CSMD1: variants seen among roughly 807,000 people sequenced by gnomAD.
CSMD1 encodes CUB and sushi domain-containing protein 1.
Under a neutral mutation model 417.5 loss-of-function variants are expected in CSMD1, and 213 were observed. The ratio of observed to expected loss-of-function variants is 0.51; its 90% CI spans 0.46 to 0.57. The LOEUF is 0.57. Among genes scored for constraint, CSMD1 ranks in the 20% least tolerant of loss-of-function variants. CSMD1 has a pLI of 0.00. For synonymous variants in CSMD1, 2,862 were observed against 1,736.8 expected (o/e 1.65, Z -16.11); for missense variants, 6,923 against 4,529.7 (o/e 1.53, Z -15.17).
chr8:4,107,030 G>A (rs574775034), intron 3 of CSMD1, among the ~76,000 whole-genome samples: 25 of 152,266 alleles, frequency 1.6e-4, no homozygotes, highest in African/African-American at 5.8e-4. Flanking sequence ...TATGAGAGCT[G>A]CCACATATCA....
intron 3 of CSMD1, among the ~76,000 whole-genome samples, chr8:4,247,255 C>T (rs908065651): frequency 2.0e-5 from 3 of 152,166 alleles, no homozygotes; most frequent in Non-Finnish European, 4.4e-5. Flanking sequence ...CTATTGAGTA[C>T]AATGACCAAA....
intron 1 of CSMD1, among the ~76,000 whole-genome samples, chr8:4,803,372 C>T (rs1185377158): frequency 6.6e-6 from 1 of 152,114 alleles, no homozygotes; most frequent in African/African-American, 2.4e-5. Flanking sequence ...CTATTAACTA[C>T]CAGTGATGTA....
At chr8:4,680,099 C>A (rs890353194) in intron 1 of CSMD1, among the ~76,000 whole-genome samples, 3 of 152,154 alleles carry the variant, frequency 2.0e-5, no homozygotes, top group African/African-American at 7.2e-5. Flanking sequence ...TTTCACAAAT[C>A]ATAGATACCT....
At chr8:4,640,808 G>A (rs1803141706) in intron 1 of CSMD1, among the ~76,000 whole-genome samples, 1 of 144,176 alleles carries the variant, frequency 6.9e-6, no homozygotes, top group African/African-American at 2.5e-5. Context: ...TAATTGTAAT[G>A]TTTTAGTTAA....
chr8:3,620,746 G>T (rs2449233), intron 7 of CSMD1, among the ~76,000 whole-genome samples: 101,517 of 152,026 alleles, frequency 0.67, 34,330 homozygotes, highest in African/African-American at 0.74. Flanking sequence ...ATGGGACAAA[G>T]GAGGGACAAA....
rs142474822 is a variant in CSMD1 at position 3,652,338 on chromosome 8, C to T, written c.1010-35541G>A. On this transcript the variant is annotated intron_variant, in intron 7 of 69. Coordinates refer to ENST00000635120, the MANE Select transcript of CSMD1 (RefSeq NM_033225.6). ...CCATCGGAGTGCTCACCACCATCAGCGTGCTTACCACCATCAGCATGCTTA... is the reference window on the plus strand; with the variant it reads ...CCATCGGAGTGCTCACCACCATCAGTGTGCTTACCACCATCAGCATGCTTA... 7.3e-4 allele frequency among the ~76,000 whole-genome samples: 111 copies of T among 151,214 alleles called. No homozygotes were observed. In the East Asian group the frequency reaches 7.6e-3, roughly 10 times the overall value.
chr8:3,628,488 G>C (rs1488547626), intron 7 of CSMD1, among the ~76,000 whole-genome samples: 1 of 152,222 alleles, frequency 6.6e-6, no homozygotes, highest in Non-Finnish European at 1.5e-5. Flanking sequence ...TTACTTCTTG[G>C]AGAACTTTAG....
chr8:4,239,110 G>A (rs754971482), intron 3 of CSMD1, among the ~76,000 whole-genome samples: 1 of 152,132 alleles, frequency 6.6e-6, no homozygotes, highest in Non-Finnish European at 1.5e-5. Flanking sequence ...TCTTAAGGGA[G>A]ATTATGTGGG....
chr8:3,809,831 A>G (rs1800964543), intron 5 of CSMD1, among the ~76,000 whole-genome samples: 1 of 152,206 alleles, frequency 6.6e-6, no homozygotes, highest in African/African-American at 2.4e-5. Flanking sequence ...TGAAAACGCA[A>G]GAATGCAGAC....
intron 5 of CSMD1, among the ~76,000 whole-genome samples, chr8:3,920,533 G>T (rs1445182745): frequency 6.6e-6 from 1 of 152,104 alleles, no homozygotes; most frequent in African/African-American, 2.4e-5. Flanking sequence ...CGTTTGGCAC[G>T]AGTAGGCAAC....
intron 2 of CSMD1, among the ~76,000 whole-genome samples, chr8:4,486,341 G>T (rs908546469): frequency 2.0e-5 from 3 of 149,050 alleles, no homozygotes; most frequent in African/African-American, 7.4e-5. Flanking sequence ...AGTAATTTGC[G>T]ACGATTCTAC....
chr8:4,934,534 G>C (rs1156380338), intron 1 of CSMD1, among the ~76,000 whole-genome samples: 1 of 152,112 alleles, frequency 6.6e-6, no homozygotes, highest in Non-Finnish European at 1.5e-5. Flanking sequence ...GCTGACTTAA[G>C]TTGCTACTAG....
intron 3 of CSMD1, among the ~76,000 whole-genome samples, chr8:4,046,594 C>G (rs1259697536): frequency 6.6e-6 from 1 of 152,108 alleles, no homozygotes; most frequent in Admixed American, 6.5e-5. Flanking sequence ...TTTCTGAAGA[C>G]CTACTGTTGA....
At chr8:3,737,662 C>G (rs573737172) in intron 6 of CSMD1, among the ~76,000 whole-genome samples, 11 of 152,304 alleles carry the variant, frequency 7.2e-5, no homozygotes, top group Non-Finnish European at 8.8e-5. Flanking sequence ...ACAATCCACA[C>G]TGACCAGGAA....
chr8:3,093,753 C>T (rs561152398), intron 47 of CSMD1, among the ~76,000 whole-genome samples: 12 of 151,942 alleles, frequency 7.9e-5, no homozygotes, highest in South Asian at 2.1e-4. Flanking sequence ...AACAAACAAA[C>T]GAACAAAAAA....
chr8:4,898,324 G>T (rs111722333), intron 1 of CSMD1, among the ~76,000 whole-genome samples: 2 of 152,028 alleles, frequency 1.3e-5, no homozygotes, highest in Admixed American at 1.3e-4. Context: ...TCTTTGACAG[G>T]GTCCATTAGA....
chr8:3,096,269 C>T (rs189952313), intron 47 of CSMD1, among the ~76,000 whole-genome samples: 4 of 152,238 alleles, frequency 2.6e-5, no homozygotes, highest in Admixed American at 2.0e-4. Flanking sequence ...GGCTGTGTCC[C>T]CTCCCAAATC....
intron 3 of CSMD1, among the ~76,000 whole-genome samples, chr8:4,167,722 G>C (rs1797533020): frequency 6.6e-6 from 1 of 152,174 alleles, no homozygotes; most frequent in Non-Finnish European, 1.5e-5. Flanking sequence ...GGGTGCAGTG[G>C]TTCACACCTG....
In CSMD1 at chr8:4,846,370, G is replaced by A. The variant is rs561066044; in HGVS notation, c.85+147962C>T. 3.6e-4 allele frequency among the ~76,000 whole-genome samples: 55 copies of A among 152,168 alleles called. 1 individual carries two copies. The highest frequency in any genetic ancestry group is 5.2e-4 in the Admixed American group (8 of 15,278). On this transcript the variant is annotated intron_variant, in intron 1 of 69. Coordinates refer to ENST00000635120, the MANE Select transcript of CSMD1 (RefSeq NM_033225.6). ...TTATAGATGGGTTTCCTTGCTTGGA[G>A]GGCTGACATGGTGGTTTTCCTAAAG...
Sources: gnomAD v4.1 joint callset for allele counts (sites outside exome capture counted in the v4.1 genomes callset) on GRCh38, gnomAD v4.1.1 for gene constraint, MANE v1.5 for transcripts, NCBI Gene and HGNC (gene_info 2026-07-23, HGNC 2026-07-21) for gene names.